POC1A: variants seen among roughly 807,000 people sequenced by gnomAD.
The protein encoded by POC1A is POC1 centriolar protein homolog A.
POC1A carries 34 observed loss-of-function variants against 47.8 expected under a neutral mutation model. That is an observed-to-expected ratio of 0.71 (90% confidence interval 0.54 to 0.95). The LOEUF is 0.95. Among genes scored for constraint, POC1A ranks in the 40% least tolerant of loss-of-function variants. The pLI, the probability that POC1A is intolerant of heterozygous loss-of-function variation, is 0.00. For synonymous variants in POC1A, 177 were observed against 207.6 expected, an observed-to-expected ratio of 0.85 and a Z score of 1.27; for missense variants, 466 against 528.3, an observed-to-expected ratio of 0.88 and a Z score of 1.16.
At chr3:52,130,373 C>T (rs748173750) in intron 7 of POC1A, among the ~76,000 whole-genome samples, 35 of 152,198 alleles carry the variant, frequency 2.3e-4, no homozygotes, top group Non-Finnish European at 1.6e-4. Context: ...CAGAGCCCCA[C>T]CAGGAGGCTC....
At position 52,075,908 on chromosome 3, in the gene POC1A, G is replaced by C; in HGVS notation, c.1203C>G (p.Ile401Met). Residue 401 changes from isoleucine to methionine, a missense_variant, in exon 11 of 11, where the codon ATC (isoleucine) becomes ATG (methionine). Ile to Met is a conservative substitution (Grantham distance 10). Coordinates refer to ENST00000296484, the MANE Select transcript of POC1A (RefSeq NM_015426.5). The stretch of plus-strand genomic sequence containing the variant: ...CTGATCATGGTGTTGCTCTCTGCAT[G>C]ATTAGCTGCTGGTTCTCCAGACACT... ...LKQCLENQQLIMQRATP is the reference protein window; with the variant it reads ...LKQCLENQQLMMQRATP 1 of 1,613,630 alleles carries C rather than the reference G, an allele frequency of 6.2e-7. No homozygotes were observed. The highest frequency in any genetic ancestry group is 8.5e-7 in the Non-Finnish European group (1 of 1,179,576).
chr3:52,089,363 AACAG>A (rs1288473858), intron 10 of POC1A, among the ~76,000 whole-genome samples: 14 of 152,156 alleles, frequency 9.2e-5, no homozygotes, highest in African/African-American at 2.4e-4. Context: ...CCTGGCACAG[AACAG>A]ACAGTGTCTT....
In POC1A at chr3:52,149,962, G is replaced by A. The variant is rs777103072; in HGVS notation, c.129C>T (p.Leu43=). 5.0e-6 allele frequency: 8 copies of A among 1,613,720 alleles called. No homozygotes were observed. Among genetic ancestry groups the A allele is most frequent in the Middle Eastern group, 1.6e-4 (1 of 6,062 alleles). The change falls in exon 3 of 11, where the codon CTC becomes CTT. Residue 43 remains leucine, a synonymous_variant. Coordinates refer to ENST00000296484, the MANE Select transcript of POC1A (RefSeq NM_015426.5). ...ACTGCGGCTTCATGTGCCAGACCAT[G>A]AGGCATGAGTCCATGGAGCCACTGG... ...QLASGSMDSC[L]MVWHMKPQSR...
At chr3:52,115,946 C>T (rs938537124) in intron 9 of POC1A, among the ~76,000 whole-genome samples, 59 of 152,064 alleles carry the variant, frequency 3.9e-4, no homozygotes, top group Admixed American at 3.9e-3. Flanking sequence ...GTGATGATTA[C>T]ACTAAAAGCC....
At chr3:52,076,059 C>T (rs1266920871) in intron 10 of POC1A, 74 bp from the exon 11 acceptor site, 47 of 1,142,938 alleles carry the variant, frequency 4.1e-5, no homozygotes, top group Admixed American at 1.7e-4. Flanking sequence ...CTTGGCCAGT[C>T]CCCACTTGGC....
intron 9 of POC1A, among the ~76,000 whole-genome samples, chr3:52,102,703 A>G (rs1703041789): frequency 6.6e-6 from 1 of 152,224 alleles, no homozygotes. Context: ...ATCTAACAAC[A>G]TATGTGCAAA....
chr3:52,081,878 G>A (rs1702306828), intron 10 of POC1A, among the ~76,000 whole-genome samples: 1 of 152,134 alleles, frequency 6.6e-6, no homozygotes, highest in Non-Finnish European at 1.5e-5. Flanking sequence ...AGGAAGGAAA[G>A]TGGACAGAAC....
intron 7 of POC1A, among the ~76,000 whole-genome samples, chr3:52,133,805 G>A (rs1704329125): frequency 6.6e-6 from 1 of 152,180 alleles, no homozygotes; most frequent in East Asian, 1.9e-4. Flanking sequence ...GGCACCCGCA[G>A]AGCCCCCATG....
intron 4 of POC1A, among the ~76,000 whole-genome samples, chr3:52,148,370 G>C (rs917741014): frequency 6.6e-6 from 1 of 152,230 alleles, no homozygotes; most frequent in Admixed American, 6.5e-5. Flanking sequence ...TAACTTGTAT[G>C]GGGTCCCCAG....
At chr3:52,151,569 C>T (rs1172027100) in intron 1 of POC1A, among the ~76,000 whole-genome samples, 7 of 150,062 alleles carry the variant, frequency 4.7e-5, no homozygotes. Context: ...AGAGATTGTG[C>T]CACTGCACTC....
intron 10 of POC1A, among the ~76,000 whole-genome samples, chr3:52,088,551 G>T (rs927740562): frequency 6.6e-6 from 1 of 152,122 alleles, no homozygotes; most frequent in Non-Finnish European, 1.5e-5. Context: ...TGCTGTGGTG[G>T]TGCCTCATTC....
Position 52,079,048 on chromosome 3 carries a change from G to A in POC1A, c.1126-3063C>T, listed in dbSNP as rs369110847. On this transcript the variant is annotated intron_variant, in intron 10 of 10. Transcript: ENST00000296484. The surrounding 1 kb of genome is among the most constrained non-coding windows in gnomAD (Gnocchi z 4.6). ...GCTTCCCCAGCTGCACGGGAGCTGT[G>A]GGAGGAGGGCAGGAGAGCATCTGAG... Among the ~76,000 whole-genome samples the A allele has an allele frequency of 2.6e-4, 40 of 152,350 alleles. No homozygotes were observed. Among genetic ancestry groups the A allele is most frequent in the Non-Finnish European group, 4.4e-4 (30 of 68,032 alleles).
chr3:52,121,284 G>T (rs748035079), intron 9 of POC1A, among the ~76,000 whole-genome samples: 1 of 152,206 alleles, frequency 6.6e-6, no homozygotes, highest in Admixed American at 6.5e-5. Flanking sequence ...AGTGTGAAAT[G>T]CCTTTCTGGG....
chr3:52,141,867 A>C (rs1698204520), intron 6 of POC1A, among the ~76,000 whole-genome samples: 1 of 152,102 alleles, frequency 6.6e-6, no homozygotes, highest in Non-Finnish European at 1.5e-5. Context: ...CTCCATGACA[A>C]TGTATCAGGC....
chr3:52,109,421 T>C (rs1411528406), intron 9 of POC1A, among the ~76,000 whole-genome samples: 1 of 152,198 alleles, frequency 6.6e-6, no homozygotes, highest in Non-Finnish European at 1.5e-5. Flanking sequence ...TTATTCTATC[T>C]TTTGTGCTAG....
intron 9 of POC1A, among the ~76,000 whole-genome samples, chr3:52,119,112 T>C (rs1263323975): frequency 1.3e-5 from 2 of 151,998 alleles, no homozygotes; most frequent in Non-Finnish European, 2.9e-5. Flanking sequence ...TGGGCCACTA[T>C]TGCTGCTGCT....
intron 7 of POC1A, among the ~76,000 whole-genome samples, chr3:52,134,956 C>A (rs1020605436): frequency 6.6e-6 from 1 of 152,184 alleles, no homozygotes; most frequent in Non-Finnish European, 1.5e-5. Context: ...GGCCCTTGGC[C>A]ACCAGGACCC....
At chr3:52,142,144 G>A (rs996435582) in intron 6 of POC1A, among the ~76,000 whole-genome samples, 3 of 152,226 alleles carry the variant, frequency 2.0e-5, no homozygotes, top group Non-Finnish European at 4.4e-5. Flanking sequence ...TGAAATGGAG[G>A]GTAGACCTAC....
At chr3:52,150,298 C>T (rs572428978) in intron 2 of POC1A, among the ~76,000 whole-genome samples, 7 of 152,208 alleles carry the variant, frequency 4.6e-5, no homozygotes, top group African/African-American at 2.4e-5. Flanking sequence ...GGTCTCCCCC[C>T]AGACACATCC....
Sources: allele counts gnomAD v4.1 joint callset (sites outside exome capture counted in the v4.1 genomes callset), GRCh38; gene constraint gnomAD v4.1.1; non-coding constraint Gnocchi (gnomAD v3.1); transcripts MANE v1.5; gene names NCBI Gene and HGNC (gene_info 2026-07-23, HGNC 2026-07-21).